The following DLGAP4 variants were observed in gnomAD, a reference collection of about 807,000 sequenced individuals.
DLGAP4 encodes disks large-associated protein 4.
Under a neutral mutation model 86.9 loss-of-function variants are expected in DLGAP4, and 18 were observed. The ratio of observed to expected loss-of-function variants is 0.21; its 90% CI spans 0.14 to 0.31. DLGAP4 has a LOEUF of 0.31. Among genes scored for constraint, DLGAP4 ranks in the 10% least tolerant of loss-of-function variants. DLGAP4 has a pLI of 1.00. For synonymous variants in DLGAP4, 548 were observed against 574.3 expected, an observed-to-expected ratio of 0.95 and a Z score of 0.65; for missense variants, 1,085 against 1,362.6, an observed-to-expected ratio of 0.80 and a Z score of 3.21.
In DLGAP4 at chr20:36,402,751, ATT is replaced by A. The variant is rs56876508; in HGVS notation, c.-72-28887_-72-28886del. ...GCAAGACCCTGTCTCATAAAAAAAA[ATT>A]TTTTTTTATTAAATACAGTAATTCA... On this transcript the variant is annotated intron_variant, in intron 2 of 12. Coordinates refer to ENST00000339266, the MANE Select transcript of DLGAP4 (RefSeq NM_001365621.2). Among the ~76,000 whole-genome samples the A allele has an allele frequency of 1.9e-4, 28 of 149,906 alleles. No individual in the cohort carries two copies. In the East Asian group the frequency reaches 4.8e-3, roughly 26 times the overall value.
At chr20:36,488,354 C>T (rs888463577) in intron 7 of DLGAP4, among the ~76,000 whole-genome samples, 47 of 152,226 alleles carry the variant, frequency 3.1e-4, no homozygotes, top group African/African-American at 1.1e-3. Flanking sequence ...GGGGCATTTA[C>T]ATTTGGGAAA....
intron 7 of DLGAP4, chr20:36,461,663 G>GC: frequency 3.3e-3 from 208 of 62,940 alleles, no homozygotes; most frequent in Middle Eastern, 9.3e-3. Context: ...GGGCCGCCCC[G>GC]CCCGGCCCGG....
At chr20:36,328,869 G>A (rs948231837) in intron 1 of DLGAP4, among the ~76,000 whole-genome samples, 3 of 151,806 alleles carry the variant, frequency 2.0e-5, no homozygotes, top group Non-Finnish European at 4.4e-5. Flanking sequence ...TCCACCTCCT[G>A]GGTTCAAGCA....
At chr20:36,412,385 T>G (rs1330674494) in intron 2 of DLGAP4, among the ~76,000 whole-genome samples, 1 of 152,228 alleles carries the variant, frequency 6.6e-6, no homozygotes, top group Non-Finnish European at 1.5e-5. Flanking sequence ...AGCCCACAGT[T>G]AGAGGCTGTG....
At chr20:36,356,131 C>G (rs1267173111) in intron 1 of DLGAP4, among the ~76,000 whole-genome samples, 2 of 152,238 alleles carry the variant, frequency 1.3e-5, no homozygotes, top group Non-Finnish European at 2.9e-5. Flanking sequence ...ACCCTGTGTG[C>G]ATTAGCAAAG....
chr20:36,369,847 T>G (rs567285057), intron 2 of DLGAP4, among the ~76,000 whole-genome samples: 1 of 152,376 alleles, frequency 6.6e-6, no homozygotes, highest in South Asian at 2.1e-4. Context: ...GAGCACTTAC[T>G]AACAGGCTGT....
chr20:36,462,990 A>G (rs2034168545), intron 7 of DLGAP4, among the ~76,000 whole-genome samples: 1 of 137,540 alleles, frequency 7.3e-6, no homozygotes, highest in Non-Finnish European at 1.5e-5. Flanking sequence ...CAGCTTGAGT[A>G]ATGAAATTTT....
At chr20:36,502,117 G>A (rs997235406) in intron 10 of DLGAP4, among the ~76,000 whole-genome samples, 1 of 152,058 alleles carries the variant, frequency 6.6e-6, no homozygotes, top group African/African-American at 2.4e-5. Flanking sequence ...GCATAGATGA[G>A]TGTTTAGCTC....
chr20:36,505,020 C>G (rs1275194996), intron 10 of DLGAP4, among the ~76,000 whole-genome samples: 4 of 150,726 alleles, frequency 2.7e-5, no homozygotes, highest in Admixed American at 2.6e-4. Flanking sequence ...CGGAGTCTCG[C>G]TCTGTTGCCC....
intron 7 of DLGAP4, among the ~76,000 whole-genome samples, chr20:36,447,910 G>GT (rs1284621728): frequency 7.9e-6 from 1 of 126,414 alleles, no homozygotes; most frequent in Non-Finnish European, 1.7e-5. Flanking sequence ...GTGGGGGGGG[G>GT]GGAGACAAGG....
At position 36,447,211 on chromosome 20, in the gene DLGAP4, C is replaced by T. The variant is rs1001594360; in HGVS notation, c.1648+274C>T. On this transcript the variant is annotated intron_variant, in intron 7 of 12. Coordinates refer to ENST00000339266, the MANE Select transcript of DLGAP4 (RefSeq NM_001365621.2). ...GGAGCTTGTAGGGTACTTGGTTGCT[C>T]CTTGGCTCAGAGCAGCCACCTGCTA... Among the ~76,000 whole-genome samples, 8 of 152,224 alleles carry T rather than the reference C, an allele frequency of 5.3e-5. No individual in the cohort carries two copies. In the East Asian group the frequency reaches 7.7e-4, roughly 15 times the overall value.
At chr20:36,430,189 G>C (rs952820795) in intron 2 of DLGAP4, among the ~76,000 whole-genome samples, 10 of 152,222 alleles carry the variant, frequency 6.6e-5, no homozygotes, top group African/African-American at 9.7e-5. Flanking sequence ...GGGAAACTGA[G>C]GCACAGCAAC....
chr20:36,366,251 G>A (rs1403354237), intron 1 of DLGAP4, among the ~76,000 whole-genome samples: 2 of 152,154 alleles, frequency 1.3e-5, no homozygotes, highest in African/African-American at 4.8e-5. Flanking sequence ...AGTAGAGACG[G>A]GGTTTTACCA....
chr20:36,404,869 G>A (rs1390040416), intron 2 of DLGAP4, among the ~76,000 whole-genome samples: 2 of 152,244 alleles, frequency 1.3e-5, no homozygotes, highest in East Asian at 1.9e-4. Flanking sequence ...CCAGTACAGA[G>A]TGCAGATGAT....
intron 2 of DLGAP4, among the ~76,000 whole-genome samples, chr20:36,415,506 T>C (rs1220688014): frequency 6.6e-6 from 1 of 152,144 alleles, no homozygotes; most frequent in Non-Finnish European, 1.5e-5. Context: ...TAGGTGGGAC[T>C]CATTGTTAGG....
At chr20:36,454,258 CA>C (rs11436010) in intron 7 of DLGAP4, among the ~76,000 whole-genome samples, 32 of 135,942 alleles carry the variant, frequency 2.4e-4, no homozygotes, top group Admixed American at 4.4e-4. Flanking sequence ...GACTCTGTCT[CA>C]AAAAAAAAAA....
intron 2 of DLGAP4, among the ~76,000 whole-genome samples, chr20:36,412,583 G>A (rs1301253259): frequency 2.0e-5 from 3 of 152,194 alleles, no homozygotes; most frequent in Non-Finnish European, 1.5e-5. Context: ...CTATGCCTCT[G>A]TTCTCTTTCT....
chr20:36,399,355 T>C (rs1458583332), intron 2 of DLGAP4, among the ~76,000 whole-genome samples: 4 of 152,258 alleles, frequency 2.6e-5, no homozygotes, highest in African/African-American at 9.6e-5. Flanking sequence ...CCGAAGAGCC[T>C]TGGTTTCCTT....
At chr20:36,466,827 C>T (rs1043961157) in intron 7 of DLGAP4, among the ~76,000 whole-genome samples, 6 of 152,208 alleles carry the variant, frequency 3.9e-5, no homozygotes, top group African/African-American at 1.2e-4. Context: ...CATCACTGGC[C>T]TGGAGCCCTG....
Sources: gnomAD v4.1 joint callset for allele counts (sites outside exome capture counted in the v4.1 genomes callset) on GRCh38, gnomAD v4.1.1 for gene constraint, MANE v1.5 for transcripts, NCBI Gene and HGNC (gene_info 2026-07-23, HGNC 2026-07-21) for gene names.